KCNU1: variants seen among roughly 807,000 people sequenced by gnomAD.
KCNU1 encodes potassium channel subfamily U member 1.
In KCNU1, 93 loss-of-function variants were observed where a neutral mutation model predicts 126.8. That is an observed-to-expected ratio of 0.73 (90% CI 0.62 to 0.87). KCNU1 has a LOEUF of 0.87. Ranked by LOEUF, KCNU1 falls within the 40% of genes least tolerant of loss-of-function variation. KCNU1 has a pLI of 0.00. For missense variants in KCNU1, 1,330 were observed against 1,367.1 expected, an observed-to-expected ratio of 0.97 and a Z score of 0.43; for synonymous variants, 523 against 494.2, an observed-to-expected ratio of 1.06 and a Z score of -0.77.
intron 22 of KCNU1, 72 bp from the exon 23 acceptor site, chr8:36,918,751 T>C (rs771432464): frequency 8.7e-6 from 8 of 916,076 alleles, no homozygotes; most frequent in Non-Finnish European, 1.4e-5. Context: ...AGTTACATTA[T>C]ATTCTTCTAC....
At chr8:36,844,836 C>T (rs1585448937) in intron 16 of KCNU1, among the ~76,000 whole-genome samples, 1 of 152,218 alleles carries the variant, frequency 6.6e-6, no homozygotes, top group South Asian at 2.1e-4. Flanking sequence ...GAGACCTCAC[C>T]ATAGACATCT....
chr8:36,929,136 C>A, intron 24 of KCNU1: 1 of 603,590 alleles, frequency 1.7e-6, no homozygotes, highest in Non-Finnish European at 3.0e-6. Context: ...AATCCCAGCA[C>A]TTTGGGAGGC....
chr8:36,815,105 C>T (rs1365438009), intron 8 of KCNU1, among the ~76,000 whole-genome samples: 6 of 151,992 alleles, frequency 3.9e-5, no homozygotes, highest in African/African-American at 1.2e-4. Flanking sequence ...CCAAGGCAGG[C>T]GGATTACCTG....
At chr8:36,845,458 G>A in intron 16 of KCNU1, 122 bp from the exon 17 acceptor site, 1 of 622,700 alleles carries the variant, frequency 1.6e-6, no homozygotes, top group South Asian at 2.0e-5. Context: ...GGCAGTAAGA[G>A]GAGGTTGAAT....
intron 22 of KCNU1, among the ~76,000 whole-genome samples, chr8:36,917,212 T>G (rs1342224627): frequency 2.6e-5 from 4 of 152,204 alleles, no homozygotes; most frequent in Non-Finnish European, 5.9e-5. Flanking sequence ...CTTGAAGGTT[T>G]ACAATATTTT....
At chr8:36,853,221 A>G (rs1805414069) in intron 18 of KCNU1, among the ~76,000 whole-genome samples, 1 of 152,114 alleles carries the variant, frequency 6.6e-6, no homozygotes, top group African/African-American at 2.4e-5. Flanking sequence ...GTGGTGGCAC[A>G]TGCTTGTAGT....
intron 2 of KCNU1, among the ~76,000 whole-genome samples, chr8:36,792,317 T>C (rs539544967): frequency 4.6e-5 from 7 of 152,318 alleles, no homozygotes; most frequent in African/African-American, 1.2e-4. Context: ...AAATAAAAAT[T>C]TTGAAATAAT....
intron 8 of KCNU1, 49 bp from the exon 9 acceptor site, chr8:36,815,547 T>G (rs117465307): frequency 4.4e-6 from 4 of 907,072 alleles, no homozygotes; most frequent in Non-Finnish European, 3.4e-6. Flanking sequence ...TTTTGGAGTA[T>G]CCATCAAAAT....
chr8:36,865,630 G>A (rs1167425231), intron 19 of KCNU1, among the ~76,000 whole-genome samples: 1 of 150,128 alleles, frequency 6.7e-6, no homozygotes, highest in Non-Finnish European at 1.5e-5. Context: ...AAAAAAATGA[G>A]CCAGGCCTGG....
At chr8:36,902,588 C>G (rs1020231415) in intron 19 of KCNU1, among the ~76,000 whole-genome samples, 4 of 152,138 alleles carry the variant, frequency 2.6e-5, no homozygotes, top group African/African-American at 9.7e-5. Flanking sequence ...AAGACAGTCA[C>G]TACCAACTTG....
chr8:36,883,836 A>G (rs1038847753), intron 19 of KCNU1, among the ~76,000 whole-genome samples: 1 of 152,176 alleles, frequency 6.6e-6, no homozygotes, highest in African/African-American at 2.4e-5. Context: ...ATCTGTGTCC[A>G]ATCAGTTGCA....
chr8:36,806,040 C>T (rs188037803), intron 4 of KCNU1, among the ~76,000 whole-genome samples: 5 of 152,126 alleles, frequency 3.3e-5, no homozygotes, highest in Admixed American at 2.6e-4. Context: ...GATGGGGTTT[C>T]GCCATATTGG....
chr8:36,795,860 A>T (rs1164932799), intron 2 of KCNU1: 1 of 152,254 alleles, frequency 6.6e-6, no homozygotes, highest in Non-Finnish European at 1.5e-5. Context: ...TGTATTCAGG[A>T]CCAGAGTTTC....
chr8:36,819,249 G>C (rs1165993260), intron 10 of KCNU1, among the ~76,000 whole-genome samples: 4 of 152,094 alleles, frequency 2.6e-5, no homozygotes, highest in South Asian at 2.1e-4. Context: ...TTTTAACCTA[G>C]TGTTATGAAG....
At position 36,806,255 on chromosome 8, in the gene KCNU1, T is replaced by A; in HGVS notation, c.469-14T>A. ...GGGTAACAGAATTTGTGTTATTCTGTTTCTATTTCATAGTTTATGGCAGCT... is the reference window on the plus strand; with the variant it reads ...GGGTAACAGAATTTGTGTTATTCTGATTCTATTTCATAGTTTATGGCAGCT... On this transcript the variant is annotated splice_polypyrimidine_tract_variant and intron_variant, in intron 4 of 26. Coordinates refer to ENST00000399881, the MANE Select transcript of KCNU1 (RefSeq NM_001031836.3). The A allele has an allele frequency of 6.4e-7, 1 of 1,558,836 alleles. No individual in the cohort carries two copies. The highest frequency in any genetic ancestry group is 8.8e-7 in the Non-Finnish European group (1 of 1,137,350).
At chr8:36,921,080 C>A (rs886949421) in intron 23 of KCNU1, among the ~76,000 whole-genome samples, 1 of 152,146 alleles carries the variant, frequency 6.6e-6, no homozygotes, top group South Asian at 2.1e-4. Context: ...AGTGCACCTA[C>A]CCCAGTCTCA....
intron 2 of KCNU1, among the ~76,000 whole-genome samples, chr8:36,796,935 A>G (rs913359730): frequency 6.6e-6 from 1 of 152,176 alleles, no homozygotes; most frequent in African/African-American, 2.4e-5. Flanking sequence ...ATACTGCATA[A>G]TAGAATATCT....
At position 36,834,044 on chromosome 8, in the gene KCNU1, TCTC is replaced by T. The variant is rs1484479118; in HGVS notation, c.1212+391_1212+393del. Among the ~76,000 whole-genome samples the T allele has an allele frequency of 3.9e-5, 6 of 152,166 alleles. No individual in the cohort carries two copies. The East Asian group carries it at 1.2e-3, about 29-fold the overall frequency. On this transcript the variant is annotated intron_variant, in intron 11 of 26. Coordinates refer to ENST00000399881, the MANE Select transcript of KCNU1 (RefSeq NM_001031836.3). Reference sequence around the variant, plus strand: ...CTGAGTCCATCAGCTTTAATCAACTTCTCCTCCTAAATGCATGGATATGCTTTC... The same window carrying T: ...CTGAGTCCATCAGCTTTAATCAACTTCTCCTAAATGCATGGATATGCTTTC...
intron 21 of KCNU1, among the ~76,000 whole-genome samples, chr8:36,910,241 C>T (rs374396626): frequency 1.1e-4 from 17 of 152,236 alleles, no homozygotes; most frequent in East Asian, 7.7e-4. Flanking sequence ...ACTTTTGCAC[C>T]AACCTAATGT....
Sources: allele counts gnomAD v4.1 joint callset (sites outside exome capture counted in the v4.1 genomes callset), GRCh38; gene constraint gnomAD v4.1.1; transcripts MANE v1.5; gene names NCBI Gene and HGNC (gene_info 2026-07-23, HGNC 2026-07-21).